The following ADH7 variants were observed in gnomAD, a reference collection of about 807,000 sequenced individuals.
ADH7 encodes all-trans-retinol dehydrogenase [NAD(+)] ADH7.
In ADH7, 41 loss-of-function variants were observed where a neutral mutation model predicts 34.4. The ratio of observed to expected loss-of-function variants is 1.19; its 90% confidence interval spans 0.93 to 1.55. The LOEUF (loss-of-function observed/expected upper bound fraction) is 1.55. Ranked by LOEUF, ADH7 falls within the 40% of genes most tolerant of loss-of-function variation. The pLI, the probability that ADH7 is intolerant of heterozygous loss-of-function variation, is 0.00. For missense variants in ADH7, 540 were observed against 461.2 expected, an observed-to-expected ratio of 1.17 and a Z score of -1.56; for synonymous variants, 180 against 160.9, an observed-to-expected ratio of 1.12 and a Z score of -0.90.
In ADH7 at chr4:99,415,527, G is replaced by T. The variant is rs777186848; in HGVS notation, c.1051C>A (p.Pro351Thr). Reference protein sequence around the residue: ...DLDQLITHVLPFKKISEGFEL... With the variant: ...DLDQLITHVLTFKKISEGFEL... Reference sequence around the variant, plus strand: ...AATCCTTCACTGATTTTTTTAAATGGTAAAACATGAGTTATCAACTGGTCC... The same window carrying T: ...AATCCTTCACTGATTTTTTTAAATGTTAAAACATGAGTTATCAACTGGTCC... Residue 351 changes from proline to threonine, a missense_variant, in exon 8 of 9, where the codon CCA becomes ACA. Coordinates refer to ENST00000437033, the MANE Select transcript of ADH7 (RefSeq NM_000673.7). 2.0e-5 allele frequency: 32 copies of T among 1,612,852 alleles called. No individual in the cohort carries two copies. In the South Asian group the frequency reaches 3.1e-4, roughly 16 times the overall value.
In ADH7 at chr4:99,428,171, T is replaced by A. The variant is rs1161052945; in HGVS notation, c.263A>T (p.Asp88Val). Residue 88 changes from aspartate to valine, a missense_variant, in exon 4 of 9, where the codon GAC becomes GTC. Coordinates refer to ENST00000437033, the MANE Select transcript of ADH7 (RefSeq NM_000673.7). The part of the protein sequence containing the change: ...GEGVTTVKPG[D>V]KVIPLFLPQC... ...TGGCAGAAAGAGAGGGATGACTTTG[T>A]CACCTACAGGAAAAAAATCATGATA... The A allele has an allele frequency of 1.2e-6, 2 of 1,613,362 alleles. No individual in the cohort carries two copies. Among genetic ancestry groups the A allele is most frequent in the Non-Finnish European group, 1.7e-6 (2 of 1,179,518 alleles).
Position 99,412,286 on chromosome 4 carries a change from T to A in ADH7, c.*862A>T, listed in dbSNP as rs1041423644. The A allele has an allele frequency of 2.6e-5, 4 of 152,150 alleles. No homozygotes were observed. The highest frequency in any genetic ancestry group is 5.9e-5 in the Non-Finnish European group (4 of 67,990). The allele number at this position is 152,150 out of a possible 1,614,324, so 9.4% of individuals were successfully genotyped here. ...CATTTTATATAATTTTTAATTTTCT[T>A]AAGAATTTTTAACATGTTATAGATA... On this transcript the variant is annotated 3_prime_UTR_variant, in exon 9 of 9. Transcript: ENST00000437033.
rs1721896002 is a variant in ADH7, at chr4:99,429,640, A to G, written c.19-7T>C. On this transcript the variant is annotated splice_region_variant and splice_polypyrimidine_tract_variant and intron_variant, in intron 1 of 8. Coordinates refer to ENST00000437033, the MANE Select transcript of ADH7 (RefSeq NM_000673.7). ...CTGCTTTGCATTTAATAACCTAAGA[A>G]ATAGGCAAGTATTATAATGGGTCTG... 1.3e-6 allele frequency: 2 copies of G among 1,598,818 alleles called. No individual in the cohort carries two copies. The highest frequency in any genetic ancestry group is 1.7e-6 in the Non-Finnish European group (2 of 1,169,468).
At chr4:99,423,973 T>C (rs1290322422) in intron 5 of ADH7, among the ~76,000 whole-genome samples, 4 of 151,854 alleles carry the variant, frequency 2.6e-5, no homozygotes, top group African/African-American at 9.7e-5. Flanking sequence ...TCCTGAATGG[T>C]AATGCCTAGG....
intron 2 of ADH7, 70 bp downstream of exon 2, chr4:99,429,462 C>A: frequency 9.0e-7 from 1 of 1,108,638 alleles, no homozygotes; most frequent in South Asian, 1.5e-5. Flanking sequence ...AATCCAGCCT[C>A]ACAACAGTGC....
At chr4:99,432,742 T>C (rs1190208950) in intron 1 of ADH7, 1 of 152,130 alleles carries the variant, frequency 6.6e-6, no homozygotes, top group Admixed American at 6.6e-5. Flanking sequence ...CTGCAACAGA[T>C]TAATGAATAG....
In ADH7 at chr4:99,427,834, T is replaced by C. The variant is rs372338606; in HGVS notation, c.503A>G (p.Lys168Arg). 1 of 1,610,764 alleles carries C rather than the reference T, an allele frequency of 6.2e-7. No homozygotes were observed. The highest frequency in any genetic ancestry group is 8.5e-7 in the Non-Finnish European group (1 of 1,178,138). The change falls in exon 5 of 9, where the codon AAA becomes AGA. Residue 168 changes from lysine to arginine, a missense_variant. Transcript: ENST00000437033. The part of the protein sequence containing the change: ...AKIDDAAPPE[K>R]VCLIGCGFST... The stretch of plus-strand genomic sequence containing the variant: ...AAACCCACAGCCAATTAAACAGACT[T>C]TCTCAGGAGGAGCTGCATCATCAAT...
intron 1 of ADH7, among the ~76,000 whole-genome samples, chr4:99,430,444 G>A (rs764715424): frequency 6.6e-6 from 1 of 152,156 alleles, no homozygotes; most frequent in East Asian, 1.9e-4. Context: ...CACACATAGA[G>A]AAATTGTTTC....
At chr4:99,415,137 T>C (rs558035946) in intron 8 of ADH7, among the ~76,000 whole-genome samples, 1 of 152,292 alleles carries the variant, frequency 6.6e-6, no homozygotes, top group East Asian at 1.9e-4. Flanking sequence ...TCTTCCCGCT[T>C]TGCTCGACAC....
At chr4:99,422,247 C>A (rs1458960029) in intron 5 of ADH7, among the ~76,000 whole-genome samples, 1 of 152,206 alleles carries the variant, frequency 6.6e-6, no homozygotes, top group Non-Finnish European at 1.5e-5. Context: ...AGACTTGGAA[C>A]TAACCCAAAT....
At chr4:99,419,302 G>T (rs1721595031) in intron 6 of ADH7, among the ~76,000 whole-genome samples, 181 bp from the exon 7 acceptor site, 1 of 152,110 alleles carries the variant, frequency 6.6e-6, no homozygotes, top group African/African-American at 2.4e-5. Context: ...ATACACATTT[G>T]CCCTTTAAGG....
chr4:99,427,814 C>G lies in ADH7; in HGVS notation c.523G>C (p.Gly175Arg). Residue 175 changes from glycine to arginine, a missense_variant, in exon 5 of 9, where the codon GGG becomes CGG. By Grantham distance (125) the Gly-to-Arg change is moderately radical. Transcript: ENST00000437033. ...PPEKVCLIGC[G>R]FSTGYGAAVK... ...GCAGCGCCATATCCAGTGGAAAACC[C>G]ACAGCCAATTAAACAGACTTTCTCA... is the stretch of plus-strand genomic sequence containing the variant. 1 of 1,603,408 alleles carries G rather than the reference C, an allele frequency of 6.2e-7. No homozygotes were observed. Among genetic ancestry groups the G allele is most frequent in the South Asian group, 1.1e-5 (1 of 89,280 alleles).
At position 99,420,708 on chromosome 4, in the gene ADH7, G is replaced by C; in HGVS notation, c.650C>G (p.Ser217Cys). The change falls in exon 6 of 9, where the codon TCT becomes TGT. Residue 217 changes from serine to cysteine, a missense_variant. Ser to Cys is a moderately radical substitution (Grantham distance 112, BLOSUM62 -1). Coordinates refer to ENST00000437033, the MANE Select transcript of ADH7 (RefSeq NM_000673.7). ...GTTGAGGTCAATCCCAATGATCCTA[G>C]ATGCACCAGCTGACTTACAGCCCAT... ...VIMGCKSAGA[S>C]RIIGIDLNKD... 1 of 1,613,914 alleles carries C rather than the reference G, an allele frequency of 6.2e-7. No individual in the cohort carries two copies. The highest frequency in any genetic ancestry group is 2.2e-5 in the East Asian group (1 of 44,872).
At chr4:99,428,655 C>T in intron 2 of ADH7, 25 bp from the exon 3 acceptor site, 2 of 1,602,560 alleles carry the variant, frequency 1.2e-6, no homozygotes, top group Non-Finnish European at 8.5e-7. Flanking sequence ...AAAAACATTG[C>T]ACCAATCAAC....
intron 3 of ADH7, 138 bp from the exon 4 acceptor site, chr4:99,428,312 C>T (rs552558990): frequency 1.5e-5 from 18 of 1,227,778 alleles, no homozygotes; most frequent in African/African-American, 3.1e-5. Context: ...TAAGGTTTGC[C>T]TTCTAAAGGT....
At chr4:99,415,667 C>T (rs778990831) in intron 7 of ADH7, 51 bp from the exon 8 acceptor site, 64 of 1,555,936 alleles carry the variant, frequency 4.1e-5, no homozygotes, top group Non-Finnish European at 5.6e-5. Context: ...TAATCCTTAT[C>T]TTTTATTATG....
At chr4:99,425,302 A>G (rs905099130) in intron 5 of ADH7, among the ~76,000 whole-genome samples, 3 of 152,212 alleles carry the variant, frequency 2.0e-5, no homozygotes, top group African/African-American at 4.8e-5. Flanking sequence ...AGTGTGCTGT[A>G]TTCAGGAGAC....
chr4:99,429,230 A>G (rs528529580), intron 2 of ADH7, among the ~76,000 whole-genome samples: 1 of 152,366 alleles, frequency 6.6e-6, no homozygotes, highest in Admixed American at 6.5e-5. Context: ...AGAAGATTTT[A>G]AAAGAAGTCT....
intron 5 of ADH7, 89 bp from the exon 6 acceptor site, chr4:99,420,882 G>A (rs1721641706): frequency 3.3e-6 from 4 of 1,211,006 alleles, no homozygotes; most frequent in Admixed American, 4.4e-5. Flanking sequence ...CACAAATCAT[G>A]AGTGAACTCC....
Sources: allele counts gnomAD v4.1 joint callset (sites outside exome capture counted in the v4.1 genomes callset), GRCh38; gene constraint gnomAD v4.1.1; transcripts MANE v1.5; gene names NCBI Gene and HGNC (gene_info 2026-07-23, HGNC 2026-07-21).